KCNJ12: variants seen among roughly 807,000 people sequenced by gnomAD.
The protein encoded by KCNJ12 is potassium inwardly rectifying channel subfamily J member 12.
A neutral mutation model predicts 22.3 loss-of-function variants in KCNJ12; 2 were observed. The ratio of observed to expected loss-of-function variants is 0.09; its 90% confidence interval spans 0.04 to 0.28. The LOEUF (loss-of-function observed/expected upper bound fraction) is 0.28, where lower values mean the gene tolerates loss of function less well. Among genes scored for constraint, KCNJ12 ranks in the 10% least tolerant of loss-of-function variants. KCNJ12 has a pLI of 1.00. For synonymous variants in KCNJ12, 117 were observed against 261.4 expected (o/e 0.45, Z 5.33); for missense variants, 155 against 633.3 (o/e 0.24, Z 8.11).
At chr17:21,383,940 T>C (rs887652497) in intron 1 of KCNJ12, among the ~76,000 whole-genome samples, 1 of 152,166 alleles carries the variant, frequency 6.6e-6, no homozygotes, top group Non-Finnish European at 1.5e-5. Flanking sequence ...AAGAGTGTTA[T>C]GTGCTCACAG....
At chr17:21,402,093 T>C (rs1489858691) in intron 1 of KCNJ12, among the ~76,000 whole-genome samples, 2 of 152,292 alleles carry the variant, frequency 1.3e-5, no homozygotes, top group Admixed American at 6.5e-5. Flanking sequence ...TGTGTGCTTC[T>C]GTCTCGCCAT....
chr17:21,389,069 G>A (rs1313468412), intron 1 of KCNJ12, among the ~76,000 whole-genome samples: 1 of 152,214 alleles, frequency 6.6e-6, no homozygotes, highest in African/African-American at 2.4e-5. Flanking sequence ...TGTGAGAAAT[G>A]GAGCCAAATT....
intron 1 of KCNJ12, among the ~76,000 whole-genome samples, chr17:21,383,775 C>G (rs1904968991): frequency 6.6e-6 from 1 of 152,162 alleles, no homozygotes; most frequent in Non-Finnish European, 1.5e-5. Flanking sequence ...GGCCTCATTC[C>G]TGAGCTCAGC....
At chr17:21,410,285 G>A (rs1192629935) in intron 2 of KCNJ12, among the ~76,000 whole-genome samples, 2 of 152,142 alleles carry the variant, frequency 1.3e-5, no homozygotes, top group African/African-American at 2.4e-5. Flanking sequence ...CAAGGGCACC[G>A]GCTCAGAGCC....
At position 21,384,470 on chromosome 17, in the gene KCNJ12, C is replaced by T. The variant is rs142043549; in HGVS notation, c.-179+7557C>T. Among the ~76,000 whole-genome samples, 4 of 152,282 alleles carry T rather than the reference C, an allele frequency of 2.6e-5. No homozygotes were observed. The East Asian group carries it at 7.7e-4, about 29-fold the overall frequency. Reference sequence around the variant, plus strand: ...CATCCCTCTGGGAGTTGGGATAATCCAGATCCCCTGCCTCCATCCCCAGAG... The same window carrying T: ...CATCCCTCTGGGAGTTGGGATAATCTAGATCCCCTGCCTCCATCCCCAGAG... On this transcript the variant is annotated intron_variant, in intron 1 of 2. Coordinates refer to ENST00000583088, the MANE Select transcript of KCNJ12 (RefSeq NM_021012.5).
chr17:21,400,621 C>T (rs1905553705), intron 1 of KCNJ12, among the ~76,000 whole-genome samples: 1 of 152,312 alleles, frequency 6.6e-6, no homozygotes, highest in African/African-American at 2.4e-5. Flanking sequence ...GCCAGGCTGC[C>T]CTGTCCTTTC....
intron 1 of KCNJ12, among the ~76,000 whole-genome samples, chr17:21,401,851 T>G (rs1905638277): frequency 6.6e-6 from 1 of 152,010 alleles, no homozygotes; most frequent in South Asian, 2.1e-4. Context: ...CCTGGTGGAC[T>G]CAGAAAGACC....
intron 1 of KCNJ12, among the ~76,000 whole-genome samples, chr17:21,384,682 G>A (rs782317677): frequency 6.6e-6 from 1 of 151,474 alleles, no homozygotes; most frequent in Non-Finnish European, 1.5e-5. Flanking sequence ...CTAGAAACAG[G>A]ATCACTTGTT....
Position 21,387,111 on chromosome 17 carries a change from G to A in KCNJ12, c.-179+10198G>A, listed in dbSNP as rs575657188. ...GCGGAGCCTGCAGTGAGCGGAGATC[G>A]CGCCACTGCATTCCAGCCTGGGTGA... is the stretch of plus-strand genomic sequence containing the variant. On this transcript the variant is annotated intron_variant, in intron 1 of 2. Transcript: ENST00000583088. Among the ~76,000 whole-genome samples, 11 of 152,018 alleles carry A rather than the reference G, an allele frequency of 7.2e-5. No individual in the cohort carries two copies. In the South Asian group the frequency reaches 1.9e-3, roughly 26 times the overall value.
intron 2 of KCNJ12, among the ~76,000 whole-genome samples, chr17:21,415,013 A>C (rs1221237074): frequency 1.3e-5 from 2 of 152,274 alleles, no homozygotes; most frequent in African/African-American, 2.4e-5. Flanking sequence ...TGAGGGTGGG[A>C]GAAGGGGTCG....
intron 1 of KCNJ12, among the ~76,000 whole-genome samples, chr17:21,406,982 G>A (rs576316249): frequency 1.3e-5 from 2 of 152,404 alleles, no homozygotes; most frequent in African/African-American, 4.8e-5. Flanking sequence ...TGGGGAAATT[G>A]CATCTTTGGG....
Position 21,376,375 on chromosome 17 carries a change from C to G in KCNJ12, c.-717C>G, listed in dbSNP as rs1555557251. On this transcript the variant is annotated 5_prime_UTR_variant, in exon 1 of 3. Coordinates refer to ENST00000583088, the MANE Select transcript of KCNJ12 (RefSeq NM_021012.5). The surrounding 1 kb of genome is among the most constrained non-coding windows in gnomAD (Gnocchi z 5.3). The stretch of plus-strand genomic sequence containing the variant: ...GTTAGAGGAGTTGCCGAGCTGAGCT[C>G]CGGTGGAGCGAGGCGCGGAGCTGGG... The G allele has an allele frequency of 6.6e-6, 1 of 151,720 alleles. No homozygotes were observed. The highest frequency in any genetic ancestry group is 1.5e-5 in the Non-Finnish European group (1 of 67,884). The allele number at this position is 151,720 out of a possible 1,614,324, so 9.4% of individuals were successfully genotyped here. A position where few individuals can be genotyped will look rare whatever the true frequency, so the allele number is the denominator to read the frequency against.
chr17:21,386,842 C>T (rs1555558709), intron 1 of KCNJ12, among the ~76,000 whole-genome samples: 1 of 151,858 alleles, frequency 6.6e-6, no homozygotes, highest in Admixed American at 6.6e-5. Context: ...GGATTCAGGG[C>T]CCACCCTAAT....
intron 1 of KCNJ12, among the ~76,000 whole-genome samples, chr17:21,396,814 C>T (rs781928614): frequency 3.9e-5 from 6 of 152,208 alleles, no homozygotes; most frequent in Non-Finnish European, 7.3e-5. Context: ...TGGGGCCCAC[C>T]GTGGCTATGG....
At chr17:21,410,830 C>T (rs374442561) in intron 2 of KCNJ12, among the ~76,000 whole-genome samples, 3,897 of 141,670 alleles carry the variant, frequency 0.028, no homozygotes, top group East Asian at 0.071. Flanking sequence ...CTTCCGTCTG[C>T]TCATCTGGAA....
At chr17:21,381,484 G>A (rs1308025117) in intron 1 of KCNJ12, among the ~76,000 whole-genome samples, 1 of 151,870 alleles carries the variant, frequency 6.6e-6, no homozygotes, top group Non-Finnish European at 1.5e-5. Flanking sequence ...CCCTCCCCGG[G>A]GCCACGCTCC....
At chr17:21,382,640 C>T (rs1449244973) in intron 1 of KCNJ12, among the ~76,000 whole-genome samples, 2 of 152,204 alleles carry the variant, frequency 1.3e-5, no homozygotes, top group Non-Finnish European at 2.9e-5. Flanking sequence ...CTGAGCACTG[C>T]CCGTCCCTCC....
chr17:21,383,445 C>T (rs1378844558), intron 1 of KCNJ12, among the ~76,000 whole-genome samples: 3 of 152,098 alleles, frequency 2.0e-5, no homozygotes, highest in African/African-American at 7.2e-5. Context: ...CCGGAGGGGG[C>T]GGGTCCTGGC....
chr17:21,379,858 C>T (rs1418724063), intron 1 of KCNJ12, among the ~76,000 whole-genome samples: 1 of 151,154 alleles, frequency 6.6e-6, no homozygotes, highest in Admixed American at 6.6e-5. Context: ...AGGACCAGAG[C>T]CCCCGCTGGG....
Sources: allele counts gnomAD v4.1 joint callset (sites outside exome capture counted in the v4.1 genomes callset), GRCh38; gene constraint gnomAD v4.1.1; non-coding constraint Gnocchi (gnomAD v3.1); transcripts MANE v1.5; gene names NCBI Gene and HGNC (gene_info 2026-07-23, HGNC 2026-07-21).